Variants in ELP4 observed in about 807,000 individuals in gnomAD.
ELP4 encodes the protein elongator acetyltransferase complex subunit 4, also known as elongator complex protein 4.
ELP4 carries 51 observed loss-of-function variants against 48.9 expected under a neutral mutation model. The observed-to-expected ratio is 1.04, with a 90% CI of 0.83 to 1.32. The LOEUF (loss-of-function observed/expected upper bound fraction) is 1.32, where lower values mean the gene tolerates loss of function less well. Among genes scored for constraint, ELP4 ranks in the 40% most tolerant of loss-of-function variants. The pLI, the probability that ELP4 is intolerant of heterozygous loss-of-function variation, is 0.00. For missense variants in ELP4, 519 were observed against 514.6 expected, an observed-to-expected ratio of 1.01 and a Z score of -0.08; for synonymous variants, 210 against 189.2, an observed-to-expected ratio of 1.11 and a Z score of -0.90.
At chr11:31,706,525 AATTT>A (rs1038055158) in intron 9 of ELP4, among the ~76,000 whole-genome samples, 3 of 147,910 alleles carry the variant, frequency 2.0e-5, no homozygotes, top group African/African-American at 7.3e-5. Flanking sequence ...ATATGTAATT[AATTT>A]AATTTGTTTA....
chr11:31,747,434 A>G (rs1947621810), intron 9 of ELP4, among the ~76,000 whole-genome samples: 1 of 152,112 alleles, frequency 6.6e-6, no homozygotes. Context: ...GGAGGGGAAG[A>G]GGTTTAAGTT....
At chr11:31,583,686 G>T (rs560756999) in intron 3 of ELP4, among the ~76,000 whole-genome samples, 1 of 152,272 alleles carries the variant, frequency 6.6e-6, no homozygotes, top group African/African-American at 2.4e-5. Flanking sequence ...CAAAATTCTG[G>T]TTGATATAAG....
chr11:31,602,050 T>A (rs1437258940), intron 4 of ELP4, among the ~76,000 whole-genome samples: 1 of 151,950 alleles, frequency 6.6e-6, no homozygotes, highest in Non-Finnish European at 1.5e-5. Flanking sequence ...AAACTTCTGG[T>A]TTTTTCTTTT....
intron 9 of ELP4, among the ~76,000 whole-genome samples, chr11:31,776,152 CAA>C (rs371572032): frequency 5.8e-5 from 3 of 51,714 alleles, no homozygotes; most frequent in African/African-American, 1.6e-4. Context: ...CCCTATCTCA[CAA>C]AAAAAAAAAA....
At chr11:31,595,023 A>G (rs774758428) in intron 4 of ELP4, 122 bp downstream of exon 4, 19 of 774,468 alleles carry the variant, frequency 2.5e-5, no homozygotes, top group Non-Finnish European at 3.6e-5. Context: ...TTTCATTTGT[A>G]GAGTATTTGG....
intron 9 of ELP4, among the ~76,000 whole-genome samples, chr11:31,700,509 A>G (rs1946498224): frequency 6.6e-6 from 1 of 152,032 alleles, no homozygotes; most frequent in Admixed American, 6.6e-5. Context: ...AGATTTTTGG[A>G]TTTTTGGAAT....
chr11:31,592,341 C>A (rs1957594567), intron 3 of ELP4, among the ~76,000 whole-genome samples: 1 of 151,868 alleles, frequency 6.6e-6, no homozygotes, highest in Non-Finnish European at 1.5e-5. Flanking sequence ...CTCAGGAGTT[C>A]AACACCAGCC....
rs576810111 is a variant in ELP4, at chr11:31,775,794, G to A, written c.1144-7599G>A. Among the ~76,000 whole-genome samples the A allele has an allele frequency of 7.9e-5, 12 of 152,028 alleles. No individual in the cohort carries two copies. In the East Asian group the frequency reaches 9.7e-4, roughly 12 times the overall value. ...AGCCTGACCAACATGGCAAAATCCCGTCTCTACTAAAAATGCAAAAATTAG... is the reference window on the plus strand; with the variant it reads ...AGCCTGACCAACATGGCAAAATCCCATCTCTACTAAAAATGCAAAAATTAG... On this transcript the variant is annotated intron_variant, in intron 9 of 9. Transcript: ENST00000640961.
intron 9 of ELP4, among the ~76,000 whole-genome samples, chr11:31,742,247 G>A (rs183700597): frequency 1.3e-5 from 2 of 152,328 alleles, no homozygotes; most frequent in East Asian, 1.9e-4. Context: ...GGGACTATGT[G>A]AAAAGACCAA....
chr11:31,654,974 C>G lies in ELP4; in HGVS notation c.1143+4753C>G, dbSNP rs143776420. The G allele has an allele frequency of 9.6e-4, 100 of 104,394 alleles. 1 individual carries two copies. The highest frequency in any genetic ancestry group is 2.4e-3 in the African/African-American group (90 of 37,326). The allele number at this position is 104,394 out of a possible 1,614,324, so 6.5% of individuals were successfully genotyped here. On this transcript the variant is annotated intron_variant, in intron 9 of 9. Coordinates refer to ENST00000640961, the MANE Select transcript of ELP4 (RefSeq NM_019040.5). ...CTACAAATATTGTTTGCTGTTTCAA[C>G]TAGCTTTTATTCCTAGATAACACTG...
At chr11:31,580,299 A>G (rs996641271) in intron 3 of ELP4, among the ~76,000 whole-genome samples, 5 of 152,216 alleles carry the variant, frequency 3.3e-5, no homozygotes, top group African/African-American at 1.2e-4. Context: ...GAATAAATTT[A>G]GTATACTCTT....
intron 5 of ELP4, 22 bp from the exon 6 acceptor site, chr11:31,627,088 G>T: frequency 1.3e-6 from 2 of 1,490,348 alleles, no homozygotes; most frequent in South Asian, 1.2e-5. Flanking sequence ...TTATGTATTT[G>T]AACCACTTCT....
chr11:31,733,382 C>T (rs1947237279), intron 9 of ELP4, among the ~76,000 whole-genome samples: 2 of 146,530 alleles, frequency 1.4e-5, no homozygotes, highest in South Asian at 4.3e-4. Context: ...GAGGCTGAGG[C>T]AGGAGAATTG....
intron 2 of ELP4, among the ~76,000 whole-genome samples, chr11:31,521,188 C>T (rs904928471): frequency 6.6e-6 from 1 of 151,970 alleles, no homozygotes. Context: ...TTTTATTCCT[C>T]ATCTATGCTG....
chr11:31,724,030 C>G (rs1420113351), intron 9 of ELP4, among the ~76,000 whole-genome samples: 4 of 152,274 alleles, frequency 2.6e-5, no homozygotes, highest in African/African-American at 9.6e-5. Flanking sequence ...AAAATTGCGA[C>G]ATTTTAAAAC....
chr11:31,662,446 T>G, intron 9 of ELP4: 4 of 359,210 alleles, frequency 1.1e-5, no homozygotes, highest in African/African-American at 2.1e-5. Flanking sequence ...TCCAGCTCCA[T>G]GTTGTTGTTG....
At chr11:31,613,885 AT>A (rs1247469589) in intron 5 of ELP4, among the ~76,000 whole-genome samples, 1 of 151,294 alleles carries the variant, frequency 6.6e-6, no homozygotes, top group African/African-American at 2.4e-5. Flanking sequence ...ATTTTTTTGT[AT>A]TTTTAATAGA....
chr11:31,661,030 G>A (rs2134090125), intron 9 of ELP4, among the ~76,000 whole-genome samples: 1 of 152,080 alleles, frequency 6.6e-6, no homozygotes, highest in Admixed American at 6.6e-5. Context: ...TGAGATACAA[G>A]TCATTTTTTA....
At chr11:31,592,141 G>C (rs899318598) in intron 3 of ELP4, among the ~76,000 whole-genome samples, 2 of 152,198 alleles carry the variant, frequency 1.3e-5, no homozygotes, top group Non-Finnish European at 2.9e-5. Flanking sequence ...TTGGGGGACT[G>C]ATGAAGGTAG....
Sources: gnomAD v4.1 joint callset for allele counts (sites outside exome capture counted in the v4.1 genomes callset) on GRCh38, gnomAD v4.1.1 for gene constraint, MANE v1.5 for transcripts, NCBI Gene and HGNC (gene_info 2026-07-23, HGNC 2026-07-21) for gene names.